Variants in NBEA observed in about 807,000 individuals in gnomAD.
NBEA encodes the protein neurobeachin.
In NBEA, 44 loss-of-function variants were observed where a neutral mutation model predicts 343.4. That is an observed-to-expected ratio of 0.13 (90% CI 0.10 to 0.16). NBEA has a LOEUF of 0.16. NBEA is among the 10% of genes least tolerant of loss of function. The pLI is 1.00. For synonymous variants in NBEA, 1,175 were observed against 1,238.7 expected (o/e 0.95, Z 1.08); for missense variants, 2,555 against 3,631.3 (o/e 0.70, Z 7.62).
chr13:35,408,490 A>G (rs1255541292), intron 38 of NBEA, among the ~76,000 whole-genome samples: 1 of 152,226 alleles, frequency 6.6e-6, no homozygotes. Context: ...CAATTCCAAC[A>G]AAAGCAAATA....
intron 45 of NBEA, among the ~76,000 whole-genome samples, chr13:35,582,527 T>TA (rs1410688266): frequency 7.9e-5 from 12 of 152,252 alleles, no homozygotes; most frequent in Middle Eastern, 3.4e-3. Context: ...TAGAACTTTT[T>TA]AAAAAATCTA....
chr13:35,264,314 A>T (rs1046149512), intron 34 of NBEA, among the ~76,000 whole-genome samples: 1 of 151,928 alleles, frequency 6.6e-6, no homozygotes, highest in African/African-American at 2.4e-5. Flanking sequence ...TTTTCTGATG[A>T]GTTCTATTAA....
At chr13:35,349,488 T>C (rs544616067) in intron 37 of NBEA, among the ~76,000 whole-genome samples, 14 of 152,160 alleles carry the variant, frequency 9.2e-5, no homozygotes, top group African/African-American at 3.1e-4. Flanking sequence ...ATGCAAAAAA[T>C]AATTTATAAT....
chr13:35,475,337 G>A lies in NBEA; in HGVS notation c.6585+2801G>A, dbSNP rs149967314. 6.2e-6 allele frequency: 10 copies of A among 1,613,902 alleles called. No homozygotes were observed. In the African/African-American group the frequency reaches 1.3e-4, roughly 22 times the overall value. On this transcript the variant is annotated intron_variant, in intron 41 of 58. Coordinates refer to ENST00000379939, the MANE Select transcript of NBEA (RefSeq NM_001385012.1). ...GTCTTCATATGGTAATTGTTCAAGG[G>A]CTGGCCCGGCAGTTCAAGGTGACGA...
chr13:35,570,969 G>T (rs2080380012), intron 45 of NBEA, among the ~76,000 whole-genome samples: 1 of 152,120 alleles, frequency 6.6e-6, no homozygotes, highest in South Asian at 2.1e-4. Context: ...TTTTAATGGA[G>T]AGTTTCTTAC....
chr13:35,352,975 A>G (rs2152866168), intron 38 of NBEA, among the ~76,000 whole-genome samples: 1 of 152,232 alleles, frequency 6.6e-6, no homozygotes, highest in Admixed American at 6.5e-5. Flanking sequence ...TAGAAGTGAA[A>G]CAGGTCACTA....
chr13:35,012,423 T>C (rs967744754), intron 1 of NBEA, among the ~76,000 whole-genome samples: 4 of 152,332 alleles, frequency 2.6e-5, no homozygotes, highest in South Asian at 2.1e-4. Flanking sequence ...CAATGTTGTA[T>C]TGGGGATTAA....
chr13:35,383,731 A>C (rs1005297637), intron 38 of NBEA, among the ~76,000 whole-genome samples: 1 of 152,166 alleles, frequency 6.6e-6, no homozygotes, highest in Non-Finnish European at 1.5e-5. Context: ...TATATAATAC[A>C]GAAGTTAGGA....
At chr13:35,038,984 T>G (rs2062550483) in intron 1 of NBEA, among the ~76,000 whole-genome samples, 1 of 152,154 alleles carries the variant, frequency 6.6e-6, no homozygotes, top group Non-Finnish European at 1.5e-5. Flanking sequence ...CAAGTTTACT[T>G]AAACACCAAG....
At chr13:35,450,228 A>T (rs2046238823) in intron 39 of NBEA, among the ~76,000 whole-genome samples, 1 of 152,086 alleles carries the variant, frequency 6.6e-6, no homozygotes, top group Non-Finnish European at 1.5e-5. Flanking sequence ...TAATCCCAGC[A>T]CTTTGGAAGG....
chr13:35,647,016 T>C (rs2084270690), intron 51 of NBEA, among the ~76,000 whole-genome samples: 1 of 152,230 alleles, frequency 6.6e-6, no homozygotes, highest in Non-Finnish European at 1.5e-5. Flanking sequence ...AATAAGTTCT[T>C]AATAAATGTG....
chr13:35,311,870 A>C (rs1004682743), intron 36 of NBEA, among the ~76,000 whole-genome samples: 1 of 152,158 alleles, frequency 6.6e-6, no homozygotes, highest in Non-Finnish European at 1.5e-5. Flanking sequence ...CAAAAAAAAA[A>C]ATTCAACCTA....
chr13:35,125,803 A>G (rs929392482), intron 17 of NBEA, among the ~76,000 whole-genome samples: 9 of 152,056 alleles, frequency 5.9e-5, no homozygotes, highest in Non-Finnish European at 1.2e-4. Flanking sequence ...TAAAAATTTC[A>G]TAAGTTAAAA....
intron 2 of NBEA, among the ~76,000 whole-genome samples, 178 bp from the exon 3 acceptor site, chr13:35,044,769 G>T (rs2062783790): frequency 6.6e-6 from 1 of 151,458 alleles, no homozygotes; most frequent in African/African-American, 2.4e-5. Context: ...GTTAAAAATT[G>T]TTAATTGGAA....
At chr13:34,950,841 C>T (rs1472535868) in intron 1 of NBEA, among the ~76,000 whole-genome samples, 2 of 152,068 alleles carry the variant, frequency 1.3e-5, no homozygotes, top group African/African-American at 4.8e-5. Context: ...GTAATTCCAG[C>T]ACTTTGGGAG....
rs370559822 is a variant in NBEA, at chr13:35,211,040, A to G, written c.5522-13A>G. The G allele has an allele frequency of 3.2e-5, 49 of 1,545,806 alleles. No individual in the cohort carries two copies. The African/African-American group carries it at 5.8e-4, about 18-fold the overall frequency. ...TTTATGTTTAAGGCTAAAAATTATT[A>G]TTTTGGGAACAGGTGCCGTGGATTC... is the stretch of plus-strand genomic sequence containing the variant. On this transcript the variant is annotated splice_polypyrimidine_tract_variant and intron_variant, in intron 32 of 58. Transcript: ENST00000379939.
chr13:35,411,640 T>C (rs2043591445), intron 38 of NBEA, among the ~76,000 whole-genome samples: 1 of 116,040 alleles, frequency 8.6e-6, no homozygotes, highest in East Asian at 2.2e-4. Context: ...TCTTTTTTGT[T>C]TTTTGTTTTG....
intron 4 of NBEA, among the ~76,000 whole-genome samples, 186 bp downstream of exon 4, chr13:35,045,587 T>G (rs2062819214): frequency 1.3e-5 from 2 of 152,168 alleles, no homozygotes; most frequent in Non-Finnish European, 2.9e-5. Flanking sequence ...CCCTTGTGCC[T>G]GTTGGAAGAT....
intron 34 of NBEA, among the ~76,000 whole-genome samples, chr13:35,241,577 C>CA (rs988953375): frequency 6.6e-6 from 1 of 151,494 alleles, no homozygotes; most frequent in Non-Finnish European, 1.5e-5. Context: ...TTTGTTTTAT[C>CA]AAAACAACAT....
Sources: allele counts gnomAD v4.1 joint callset (sites outside exome capture counted in the v4.1 genomes callset), GRCh38; gene constraint gnomAD v4.1.1; transcripts MANE v1.5; gene names NCBI Gene and HGNC (gene_info 2026-07-23, HGNC 2026-07-21).